The following CEP350 variants were observed in gnomAD, a reference collection of about 807,000 sequenced individuals.
CEP350 encodes the protein centrosome-associated protein 350.
CEP350 carries 126 observed loss-of-function variants against 331.8 expected under a neutral mutation model. The ratio of observed to expected loss-of-function variants is 0.38; its 90% CI spans 0.33 to 0.44. The LOEUF is 0.44. CEP350 is among the 20% of genes least tolerant of loss of function. The pLI, the probability that CEP350 is intolerant of heterozygous loss-of-function variation, is 1.00. For missense variants in CEP350, 3,406 were observed against 3,634.6 expected (o/e 0.94, Z 1.62); for synonymous variants, 1,200 against 1,259.5 (o/e 0.95, Z 1.00).
Position 179,990,593 on chromosome 1 carries a change from A to C in CEP350, c.207A>C (p.Thr69=), listed in dbSNP as rs1652983435. The change falls in exon 4 of 38, where the codon ACA becomes ACC. Residue 69 remains threonine (T), a synonymous_variant. Transcript: ENST00000367607. ...DSVMDTKKSS[T]SATRKISRKD... is the part of the protein sequence containing the mutation. Reference sequence around the variant, plus strand: ...TCATGGATACCAAGAAGTCTTCTACAAGTGCTACTCGAAAAATAAGTAGAA... The same window carrying C: ...TCATGGATACCAAGAAGTCTTCTACCAGTGCTACTCGAAAAATAAGTAGAA... The C allele has an allele frequency of 3.1e-6, 5 of 1,599,436 alleles. No individual in the cohort carries two copies. The highest frequency in any genetic ancestry group is 4.3e-6 in the Non-Finnish European group (5 of 1,170,938).
intron 20 of CEP350, 137 bp from the exon 21 acceptor site, chr1:180,043,913 TA>T: frequency 5.6e-6 from 4 of 719,514 alleles, no homozygotes; most frequent in Non-Finnish European, 8.3e-6. Flanking sequence ...AAACAGAAGA[TA>T]TTCTTTAATG....
At chr1:179,973,158 C>T (rs1186230494) in intron 1 of CEP350, among the ~76,000 whole-genome samples, 1 of 152,200 alleles carries the variant, frequency 6.6e-6, no homozygotes, top group Non-Finnish European at 1.5e-5. Flanking sequence ...TGAGCCACCT[C>T]TCCCGGCCGC....
chr1:180,075,298 A>T, intron 28 of CEP350, 77 bp downstream of exon 28: 5 of 1,401,062 alleles, frequency 3.6e-6, no homozygotes, highest in Non-Finnish European at 2.9e-6. Context: ...TACTTTTAAA[A>T]ATGCGAGGCT....
At chr1:180,001,505 C>T (rs1275102058) in intron 6 of CEP350, among the ~76,000 whole-genome samples, 1 of 152,158 alleles carries the variant, frequency 6.6e-6, no homozygotes, top group Non-Finnish European at 1.5e-5. Context: ...GTGATCCACT[C>T]GCCTCAGCCT....
chr1:180,082,440 G>A (rs1357973653), intron 30 of CEP350, among the ~76,000 whole-genome samples: 1 of 152,066 alleles, frequency 6.6e-6, no homozygotes, highest in Non-Finnish European at 1.5e-5. Context: ...TCAGCCTCCT[G>A]AGTAGCTGGG....
rs894151371 is a variant in CEP350, at chr1:179,963,559, G to GT, written c.-14+8426dup. Among the ~76,000 whole-genome samples, 176 of 150,590 alleles carry GT rather than the reference G, an allele frequency of 1.2e-3. 1 individual carries two copies. The highest frequency in any genetic ancestry group is 3.5e-3 in the Admixed American group (53 of 15,092). ...GCCAGTTTTTTTGTGTGTTTTTTGG[G>GT]TTTTTTTTTCTTTTTAGCACTGTTT... On this transcript the variant is annotated intron_variant, in intron 1 of 37. Transcript: ENST00000367607.
In CEP350 at chr1:180,020,179, C is replaced by T; in HGVS notation, c.2405C>T (p.Ser802Leu). Residue 802 changes from serine to leucine, a missense_variant, in exon 12 of 38, where the codon TCA (serine) becomes TTA (leucine). Ser to Leu is a moderately radical substitution (Grantham distance 145). Coordinates refer to ENST00000367607, the MANE Select transcript of CEP350 (RefSeq NM_014810.5). ...LTFTPQPYVT[S>L]PAAYTDALLK... ...TTTACACCTCAACCATATGTGACCT[C>T]ACCAGCTGCTTATACAGATGCCTTG... 1.2e-6 allele frequency: 2 copies of T among 1,614,012 alleles called. No homozygotes were observed. The highest frequency in any genetic ancestry group is 1.7e-6 in the Non-Finnish European group (2 of 1,179,874).
chr1:180,110,895 C>G (rs1661434249), intron 37 of CEP350, 102 bp from the exon 38 acceptor site: 2 of 967,068 alleles, frequency 2.1e-6, no homozygotes, highest in Non-Finnish European at 3.1e-6. Context: ...GGTTTATTTC[C>G]TTGGGCTGTA....
intron 33 of CEP350, 144 bp downstream of exon 33, chr1:180,090,940 T>C: frequency 1.4e-6 from 1 of 713,746 alleles, no homozygotes. Flanking sequence ...GTTACTTTTA[T>C]ATTTTAAAGT....
In CEP350 at chr1:180,065,228, C is replaced by T. The variant is rs1461200240; in HGVS notation, c.5523C>T (p.Ser1841=). The change falls in exon 27 of 38, where the codon AGC becomes AGT. Residue 1841 remains serine, a synonymous_variant. Transcript: ENST00000367607. The part of the protein sequence containing the change: ...PISISSSETS[S]IMQKLKKMRS... ...CAATCTCCAGCAGTGAAACTAGCAG[C>T]ATTATGCAGAAACTGAAGAAAATGA... 6.2e-7 allele frequency: 1 copy of T among 1,613,098 alleles called. No individual in the cohort carries two copies. The highest frequency in any genetic ancestry group is 8.5e-7 in the Non-Finnish European group (1 of 1,179,646).
chr1:180,109,123 C>CTTTTTTT (rs34359732), intron 37 of CEP350, among the ~76,000 whole-genome samples: 1 of 140,342 alleles, frequency 7.1e-6, no homozygotes, highest in Non-Finnish European at 1.5e-5. Flanking sequence ...TTCACTTTCT[C>CTTTTTTT]TTTTTTTTTT....
intron 11 of CEP350, 66 bp from the exon 12 acceptor site, chr1:180,019,883 G>T: frequency 6.9e-7 from 1 of 1,442,804 alleles, no homozygotes. Flanking sequence ...CTTATAATCA[G>T]ATAAAAAAAA....
chr1:180,018,475 T>G (rs540835104), intron 11 of CEP350, among the ~76,000 whole-genome samples: 1 of 152,360 alleles, frequency 6.6e-6, no homozygotes, highest in Non-Finnish European at 1.5e-5. Context: ...CTTGTATTCC[T>G]ATTACTACCA....
chr1:180,085,497 T>C (rs1199188869), intron 31 of CEP350: 4 of 152,138 alleles, frequency 2.6e-5, no homozygotes, highest in Non-Finnish European at 5.9e-5. Context: ...TTACACACAT[T>C]CTGCTTCTCT....
At chr1:179,973,672 C>G (rs1033431713) in intron 1 of CEP350, among the ~76,000 whole-genome samples, 1 of 151,954 alleles carries the variant, frequency 6.6e-6, no homozygotes, top group Non-Finnish European at 1.5e-5. Context: ...TATGTGACTA[C>G]TTGTAGCGCT....
Position 179,992,132 on chromosome 1 carries a change from A to G in CEP350, c.306A>G (p.Lys102=). The change falls in exon 5 of 38, where the codon AAA becomes AAG. Residue 102 remains lysine (K), a synonymous_variant. Transcript: ENST00000367607. ...AATCCACTAAATCACGAAAAGAGAA[A>G]TCTCGTAGTCCTCTCAGGGCCACCA... is the stretch of plus-strand genomic sequence containing the variant. The part of the protein sequence containing the change: ...ISKSTKSRKE[K]SRSPLRATTL... 1 of 1,550,774 alleles carries G rather than the reference A, an allele frequency of 6.4e-7. No individual in the cohort carries two copies. Among genetic ancestry groups the G allele is most frequent in the Non-Finnish European group, 8.7e-7 (1 of 1,150,572 alleles).
chr1:179,978,499 C>A (rs1440215987), intron 1 of CEP350, among the ~76,000 whole-genome samples: 2 of 152,182 alleles, frequency 1.3e-5, no homozygotes, highest in East Asian at 3.9e-4. Context: ...TTCTATCTAG[C>A]TGTAATTTTG....
chr1:180,103,293 T>C (rs1431774559), intron 37 of CEP350, among the ~76,000 whole-genome samples: 1 of 152,220 alleles, frequency 6.6e-6, no homozygotes, highest in African/African-American at 2.4e-5. Context: ...ACAGGTAGTT[T>C]TTTCTATTGG....
chr1:180,002,163 G>C (rs1653907882), intron 6 of CEP350, among the ~76,000 whole-genome samples: 1 of 152,108 alleles, frequency 6.6e-6, no homozygotes, highest in Admixed American at 6.5e-5. Context: ...ATGCAAAATG[G>C]TACAGCTGCT....
Sources: gnomAD v4.1 joint callset for allele counts (sites outside exome capture counted in the v4.1 genomes callset) on GRCh38, gnomAD v4.1.1 for gene constraint, MANE v1.5 for transcripts, NCBI Gene and HGNC (gene_info 2026-07-23, HGNC 2026-07-21) for gene names.